Variants in SLC44A5 observed in about 807,000 individuals in gnomAD.
SLC44A5 encodes the protein solute carrier family 44 member 5.
SLC44A5 carries 57 observed loss-of-function variants against 101.8 expected under a neutral mutation model. That is an observed-to-expected ratio of 0.56 (90% CI 0.45 to 0.70). SLC44A5 has a LOEUF of 0.70. SLC44A5 is among the 30% of genes least tolerant of loss of function. SLC44A5 has a pLI of 0.00. For synonymous variants in SLC44A5, 281 were observed against 290.9 expected (o/e 0.97, Z 0.35); for missense variants, 737 against 853.1 (o/e 0.86, Z 1.70).
At chr1:75,436,875 T>C (rs1423378676) in intron 2 of SLC44A5, among the ~76,000 whole-genome samples, 1 of 152,144 alleles carries the variant, frequency 6.6e-6, no homozygotes, top group Non-Finnish European at 1.5e-5. Context: ...TAAAACTTTT[T>C]AAACTTTTTT....
At chr1:75,645,137 T>C in the SLC44A5 span, among the ~76,000 whole-genome samples, 195 of 152,286 alleles carry the variant, frequency 1.3e-3, 4 homozygotes, top group Non-Finnish European at 1.5e-3. Context: ...TTTGGGTATA[T>C]ACCCAGTAAT....
intron 3 of SLC44A5, among the ~76,000 whole-genome samples, chr1:75,394,266 A>C (rs1257799104): frequency 6.6e-6 from 1 of 152,138 alleles, no homozygotes; most frequent in African/African-American, 2.4e-5. Context: ...TCTGTAATGG[A>C]AGAGCAAGAT....
intron 2 of SLC44A5, among the ~76,000 whole-genome samples, chr1:75,439,174 A>G (rs1320782403): frequency 6.6e-6 from 1 of 151,992 alleles, no homozygotes; most frequent in Admixed American, 6.6e-5. Flanking sequence ...TAAAAGAATG[A>G]GTTCAGACCC....
In SLC44A5 at chr1:75,219,248, T is replaced by G. The variant is rs757562851; in HGVS notation, c.1266+9A>C. ...GAAGTAAGTAAATGAAAGAGTTTCTTGTACTTACCTCTGGGTCACAGGTTT... is the reference window on the plus strand; with the variant it reads ...GAAGTAAGTAAATGAAAGAGTTTCTGGTACTTACCTCTGGGTCACAGGTTT... On this transcript the variant is annotated intron_variant, in intron 16 of 23. Coordinates refer to ENST00000370859, the MANE Select transcript of SLC44A5 (RefSeq NM_001130058.2). The G allele has an allele frequency of 6.3e-7, 1 of 1,583,282 alleles. No homozygotes were observed. The highest frequency in any genetic ancestry group is 8.7e-7 in the Non-Finnish European group (1 of 1,152,232).
At chr1:75,427,038 C>G (rs931556154) in intron 2 of SLC44A5, among the ~76,000 whole-genome samples, 2 of 152,172 alleles carry the variant, frequency 1.3e-5, no homozygotes, top group African/African-American at 4.8e-5. Context: ...CCCCAGCAGC[C>G]CTGCCGGCTA....
Position 75,219,330 on chromosome 1 carries a change from G to A in SLC44A5, c.1193C>T (p.Ser398Leu), listed in dbSNP as rs867895969. ...WVVTAVFLATSGVPVYKVIAP... is the reference protein window; with the variant it reads ...WVVTAVFLATLGVPVYKVIAP... ...TATGACTTTGTATACAGGTACCCCC[G>A]ATGTCGCCAAGAAACTGAATAAACT... Residue 398 changes from serine to leucine, a missense_variant, in exon 16 of 24, where the codon TCG becomes TTG. Transcript: ENST00000370859. 7 of 1,611,660 alleles carry A rather than the reference G, an allele frequency of 4.3e-6. No homozygotes were observed. Among genetic ancestry groups the A allele is most frequent in the East Asian group, 2.2e-5 (1 of 44,794 alleles).
intron 2 of SLC44A5, among the ~76,000 whole-genome samples, chr1:75,403,382 C>T (rs538288900): frequency 1.3e-5 from 2 of 152,184 alleles, no homozygotes; most frequent in Admixed American, 6.5e-5. Flanking sequence ...GGGCCCCTGA[C>T]CCCTGTGCCT....
At chr1:75,429,308 T>A (rs1243763430) in intron 2 of SLC44A5, among the ~76,000 whole-genome samples, 2 of 152,236 alleles carry the variant, frequency 1.3e-5, no homozygotes, top group Admixed American at 1.3e-4. Context: ...TCTAAGTTAT[T>A]CGACTTGTGC....
chr1:75,453,374 G>A (rs1042997539), intron 2 of SLC44A5, among the ~76,000 whole-genome samples: 24 of 152,028 alleles, frequency 1.6e-4, no homozygotes, highest in African/African-American at 5.8e-4. Context: ...TGTCTGGGAT[G>A]CAACAAAAGT....
At chr1:75,296,096 G>A (rs781604034) in intron 5 of SLC44A5, among the ~76,000 whole-genome samples, 17 of 151,922 alleles carry the variant, frequency 1.1e-4, no homozygotes, top group Non-Finnish European at 2.4e-4. Flanking sequence ...TCTCTACTTG[G>A]TATTTTCAGT....
At chr1:75,686,445 T>A in the SLC44A5 span, among the ~76,000 whole-genome samples, 1 of 152,198 alleles carries the variant, frequency 6.6e-6, no homozygotes, top group Admixed American at 6.5e-5. Context: ...AAGTAGAGCC[T>A]GTTGGCAAAG....
intron 2 of SLC44A5, among the ~76,000 whole-genome samples, chr1:75,528,234 T>G (rs1330133093): frequency 6.6e-6 from 1 of 152,114 alleles, no homozygotes; most frequent in African/African-American, 2.4e-5. Flanking sequence ...CAACATGAGC[T>G]CTCTATAGGC....
chr1:75,382,095 GA>G (rs1230380023), intron 3 of SLC44A5, among the ~76,000 whole-genome samples: 1 of 49,058 alleles, frequency 2.0e-5, no homozygotes, highest in Non-Finnish European at 3.2e-5. Context: ...AATGTGACTG[GA>G]ATACGTCAGA....
At chr1:75,668,774 C>A in the SLC44A5 span, among the ~76,000 whole-genome samples, 6,834 of 151,608 alleles carry the variant, frequency 0.045, 366 homozygotes, top group African/African-American at 0.096. Context: ...GCAGGCAGAT[C>A]ACCTGAGGTC....
intron 2 of SLC44A5, among the ~76,000 whole-genome samples, chr1:75,532,721 T>C (rs139707580): frequency 1.8e-4 from 28 of 152,202 alleles, no homozygotes; most frequent in African/African-American, 5.8e-4. Context: ...CAGTATAGAG[T>C]TTGGCACATT....
intron 2 of SLC44A5, among the ~76,000 whole-genome samples, chr1:75,478,124 A>C (rs967980409): frequency 2.3e-4 from 35 of 152,252 alleles, no homozygotes; most frequent in African/African-American, 7.5e-4. Context: ...AAGAATTGTC[A>C]ACCCAGAATT....
At chr1:75,316,127 A>G (rs1042845366) in intron 4 of SLC44A5, among the ~76,000 whole-genome samples, 1 of 152,222 alleles carries the variant, frequency 6.6e-6, no homozygotes, top group Admixed American at 6.5e-5. Flanking sequence ...TTACAAAATA[A>G]AATCCAGATT....
At chr1:75,417,104 T>A (rs1557763795) in intron 2 of SLC44A5, among the ~76,000 whole-genome samples, 1 of 152,196 alleles carries the variant, frequency 6.6e-6, no homozygotes, top group Non-Finnish European at 1.5e-5. Context: ...TTTGGCTCTG[T>A]GTCCCCACTC....
intron 2 of SLC44A5, among the ~76,000 whole-genome samples, chr1:75,403,391 C>G (rs1662628085): frequency 6.6e-6 from 1 of 152,202 alleles, no homozygotes; most frequent in Non-Finnish European, 1.5e-5. Flanking sequence ...ACCCCTGTGC[C>G]TCCTGACTGG....
Sources: gnomAD v4.1 joint callset for allele counts (sites outside exome capture counted in the v4.1 genomes callset) on GRCh38, gnomAD v4.1.1 for gene constraint, MANE v1.5 for transcripts, NCBI Gene and HGNC (gene_info 2026-07-23, HGNC 2026-07-21) for gene names.